The following RAP1GDS1 variants were observed in gnomAD, a reference collection of about 807,000 sequenced individuals.
RAP1GDS1 encodes Rap1 GTPase-GDP dissociation stimulator 1.
In RAP1GDS1, 35 loss-of-function variants were observed where a neutral mutation model predicts 71.1. The ratio of observed to expected loss-of-function variants is 0.49; its 90% CI spans 0.38 to 0.65. The LOEUF (loss-of-function observed/expected upper bound fraction) is 0.65, where lower values mean the gene tolerates loss of function less well. RAP1GDS1 is among the 30% of genes least tolerant of loss of function. RAP1GDS1 has a pLI of 0.00. For missense variants in RAP1GDS1, 663 were observed against 706.1 expected, an observed-to-expected ratio of 0.94 and a Z score of 0.69; for synonymous variants, 229 against 243.1, an observed-to-expected ratio of 0.94 and a Z score of 0.54.
chr4:98,295,291 G>A (rs139840581), intron 2 of RAP1GDS1, among the ~76,000 whole-genome samples: 212 of 152,134 alleles, frequency 1.4e-3, no homozygotes, highest in African/African-American at 4.8e-3. Flanking sequence ...GTAACCACAA[G>A]GTATTAAAAC....
intron 2 of RAP1GDS1, among the ~76,000 whole-genome samples, chr4:98,321,812 A>G (rs1731966484): frequency 7.5e-6 from 1 of 133,638 alleles, no homozygotes; most frequent in Admixed American, 8.0e-5. Context: ...CCGCTGCAAA[A>G]TCATGCCAAA....
chr4:98,341,631 T>A, intron 2 of RAP1GDS1, among the ~76,000 whole-genome samples: 1 of 152,142 alleles, frequency 6.6e-6, no homozygotes, highest in East Asian at 1.9e-4. Context: ...TGTTCTAAGG[T>A]TATATTTCTT....
intron 2 of RAP1GDS1, among the ~76,000 whole-genome samples, chr4:98,329,621 C>G (rs1429546180): frequency 2.0e-5 from 3 of 151,912 alleles, no homozygotes; most frequent in Admixed American, 1.3e-4. Context: ...AACCTCATCT[C>G]TACTAAAAAT....
rs928350268 is a variant in RAP1GDS1, at chr4:98,434,035, T to C, written c.1540T>C (p.Leu514=). 2 of 1,613,830 alleles carry C rather than the reference T, an allele frequency of 1.2e-6. No homozygotes were observed. The highest frequency in any genetic ancestry group is 8.5e-7 in the Non-Finnish European group (1 of 1,179,870). The change falls in exon 13 of 15, where the codon TTG becomes CTG. Residue 514 remains leucine (L), a synonymous_variant. Coordinates refer to ENST00000408927, the MANE Select transcript of RAP1GDS1 (RefSeq NM_001100427.2). Reference sequence around the variant, plus strand: ...AATGCAGAATGAAGCTCTTGTTGCTTTGGCATTAATAGCAGCTTTAGAATT... The same window carrying C: ...AATGCAGAATGAAGCTCTTGTTGCTCTGGCATTAATAGCAGCTTTAGAATT... The part of the protein sequence containing the change: ...VIMQNEALVA[L]ALIAALELGT...
intron 2 of RAP1GDS1, among the ~76,000 whole-genome samples, chr4:98,303,406 G>A (rs1287557567): frequency 6.6e-6 from 1 of 151,808 alleles, no homozygotes; most frequent in Non-Finnish European, 1.5e-5. Flanking sequence ...ATTAAAAAAT[G>A]TAAAATAGTC....
intron 7 of RAP1GDS1, among the ~76,000 whole-genome samples, chr4:98,410,378 C>T (rs996505636): frequency 1.8e-4 from 28 of 152,110 alleles, no homozygotes; most frequent in African/African-American, 6.5e-4. Flanking sequence ...TAAAATACCA[C>T]TATACACCCA....
chr4:98,407,619 C>T (rs1010333730), intron 7 of RAP1GDS1, among the ~76,000 whole-genome samples: 2 of 152,082 alleles, frequency 1.3e-5, no homozygotes, highest in Non-Finnish European at 2.9e-5. Context: ...GTGGCAGCTA[C>T]GCTATGTGTA....
chr4:98,284,131 A>C (rs1725628845), intron 1 of RAP1GDS1, among the ~76,000 whole-genome samples: 1 of 152,158 alleles, frequency 6.6e-6, no homozygotes, highest in South Asian at 2.1e-4. Context: ...TTTCTCATCT[A>C]TTACAGTCAG....
chr4:98,432,289 CAT>C (rs1750539981), intron 12 of RAP1GDS1, among the ~76,000 whole-genome samples: 2 of 152,212 alleles, frequency 1.3e-5, no homozygotes, highest in South Asian at 4.1e-4. Flanking sequence ...TGATTAGAAA[CAT>C]AGAGGACAAA....
At chr4:98,305,079 T>C (rs1170581178) in intron 2 of RAP1GDS1, among the ~76,000 whole-genome samples, 1 of 152,194 alleles carries the variant, frequency 6.6e-6, no homozygotes, top group Non-Finnish European at 1.5e-5. Flanking sequence ...AGCCTTGTAG[T>C]ATAGTTTGAA....
rs375934561 is a variant in RAP1GDS1 at position 98,416,918 on chromosome 4, T to G, written c.907+30T>G. On this transcript the variant is annotated intron_variant, in intron 8 of 14. Transcript: ENST00000408927. ...GTTGTAATTTATGCCAGCCAAAGAA[T>G]GTGGTTGTCAGATGTTTTTAAAATT... 5.6e-6 allele frequency: 9 copies of G among 1,603,676 alleles called. No individual in the cohort carries two copies. The African/African-American group carries it at 1.1e-4, about 19-fold the overall frequency.
intron 2 of RAP1GDS1, among the ~76,000 whole-genome samples, chr4:98,330,620 G>A (rs563657804): frequency 2.7e-4 from 40 of 150,008 alleles, no homozygotes; most frequent in Admixed American, 4.0e-4. Flanking sequence ...CATCCCAGAC[G>A]ATGGGCGGCC....
chr4:98,302,058 T>C (rs1011385350), intron 2 of RAP1GDS1, among the ~76,000 whole-genome samples: 2 of 152,074 alleles, frequency 1.3e-5, no homozygotes, highest in African/African-American at 4.8e-5. Context: ...ATACACTGAA[T>C]AGGAAATTTC....
chr4:98,438,567 C>CAT (rs36034058), intron 14 of RAP1GDS1, among the ~76,000 whole-genome samples: 4,780 of 104,666 alleles, frequency 0.046, 206 homozygotes, highest in Admixed American at 0.084. Flanking sequence ...TTTATTCTTC[C>CAT]ATATATATAT....
intron 2 of RAP1GDS1, among the ~76,000 whole-genome samples, chr4:98,331,357 A>G (rs1733989787): frequency 7.0e-6 from 1 of 143,080 alleles, no homozygotes; most frequent in Non-Finnish European, 1.5e-5. Flanking sequence ...AGGGAGAGGG[A>G]GAGAGAGAGG....
At chr4:98,326,423 C>G (rs1034826904) in intron 2 of RAP1GDS1, among the ~76,000 whole-genome samples, 1 of 152,076 alleles carries the variant, frequency 6.6e-6, no homozygotes, top group Admixed American at 6.6e-5. Context: ...GAACCTCATT[C>G]GATAACTGCT....
intron 2 of RAP1GDS1, among the ~76,000 whole-genome samples, chr4:98,338,268 C>T: frequency 6.6e-6 from 1 of 151,884 alleles, no homozygotes. Flanking sequence ...GAGTTAGAGA[C>T]CAAAATGAAT....
intron 2 of RAP1GDS1, chr4:98,297,077 C>CGA (rs1727893045): frequency 6.0e-6 from 1 of 166,224 alleles, no homozygotes; most frequent in Admixed American, 6.6e-5. Context: ...CCATTTCATA[C>CGA]GAGAGTCACG....
At chr4:98,361,502 A>C in intron 4 of RAP1GDS1, among the ~76,000 whole-genome samples, 1 of 152,306 alleles carries the variant, frequency 6.6e-6, no homozygotes, top group South Asian at 2.1e-4. Context: ...AGAAAGCTTT[A>C]GTAATTTCTT....
Sources: gnomAD v4.1 joint callset for allele counts (sites outside exome capture counted in the v4.1 genomes callset) on GRCh38, gnomAD v4.1.1 for gene constraint, MANE v1.5 for transcripts, NCBI Gene and HGNC (gene_info 2026-07-23, HGNC 2026-07-21) for gene names.